Variants in TMEM132D observed in about 807,000 individuals in gnomAD.
The protein encoded by TMEM132D is transmembrane protein 132D.
TMEM132D carries 21 observed loss-of-function variants against 62.3 expected under a neutral mutation model. The observed-to-expected ratio is 0.34, with a 90% CI of 0.24 to 0.49. The LOEUF (loss-of-function observed/expected upper bound fraction) is 0.49, where lower values mean the gene tolerates loss of function less well. Ranked by LOEUF, TMEM132D falls within the 20% of genes least tolerant of loss-of-function variation. TMEM132D has a pLI of 0.99. For synonymous variants in TMEM132D, 621 were observed against 575.6 expected, an observed-to-expected ratio of 1.08 and a Z score of -1.13; for missense variants, 1,346 against 1,402.8, an observed-to-expected ratio of 0.96 and a Z score of 0.65.
intron 3 of TMEM132D, among the ~76,000 whole-genome samples, chr12:129,417,519 C>T (rs181258375): frequency 1.2e-3 from 189 of 152,172 alleles, no homozygotes; most frequent in African/African-American, 4.4e-3. Flanking sequence ...TAACACTGTA[C>T]CCCTTCCTTA....
rs745411009 is a variant in TMEM132D at position 129,700,250 on chromosome 12, G to T, written c.528C>A (p.Thr176=). Residue 176 remains threonine, a synonymous_variant, in exon 2 of 9, where the codon ACC becomes ACA. Transcript: ENST00000422113. ...GCCGGCAGCTGCCCCGCACCTCTCGGGTCTCTCGGAAAGCAAAGACCCTCA... is the reference window on the plus strand; with the variant it reads ...GCCGGCAGCTGCCCCGCACCTCTCGTGTCTCTCGGAAAGCAAAGACCCTCA... ...PCLRVFAFRE[T]REVRGSCRLQ... 1 of 1,613,170 alleles carries T rather than the reference G, an allele frequency of 6.2e-7. No homozygotes were observed. The highest frequency in any genetic ancestry group is 8.5e-7 in the Non-Finnish European group (1 of 1,179,940).
At chr12:129,767,899 G>C (rs983593592) in intron 1 of TMEM132D, among the ~76,000 whole-genome samples, 1 of 152,190 alleles carries the variant, frequency 6.6e-6, no homozygotes, top group African/African-American at 2.4e-5. Context: ...AGGCCTCACA[G>C]TCATGGCAGA....
chr12:129,153,943 C>A (rs956645959), intron 5 of TMEM132D, among the ~76,000 whole-genome samples: 1 of 152,176 alleles, frequency 6.6e-6, no homozygotes, highest in South Asian at 2.1e-4. Context: ...GATGACACAG[C>A]GTGGCTGAGG....
intron 2 of TMEM132D, among the ~76,000 whole-genome samples, chr12:129,648,206 A>G (rs568092720): frequency 5.6e-4 from 85 of 152,054 alleles, no homozygotes; most frequent in Non-Finnish European, 1.0e-3. Context: ...CAGCCCTTGC[A>G]TTCTGCTGGA....
chr12:129,220,896 A>G (rs1879328528), intron 4 of TMEM132D, among the ~76,000 whole-genome samples: 1 of 151,584 alleles, frequency 6.6e-6, no homozygotes, highest in Non-Finnish European at 1.5e-5. Flanking sequence ...AAAATGAAAA[A>G]AAAAAAAAGC....
intron 4 of TMEM132D, among the ~76,000 whole-genome samples, chr12:129,324,068 C>T (rs528125209): frequency 1.3e-5 from 2 of 152,170 alleles, no homozygotes; most frequent in South Asian, 2.1e-4. Context: ...AGCTTCTGCT[C>T]CTTTCTATTG....
intron 4 of TMEM132D, among the ~76,000 whole-genome samples, chr12:129,317,921 T>C (rs897497678): frequency 1.3e-5 from 2 of 152,216 alleles, no homozygotes; most frequent in Admixed American, 1.3e-4. Context: ...TTCTTCTACT[T>C]GTTCAATTCT....
chr12:129,482,943 ATC>A (rs1874472923), intron 3 of TMEM132D, among the ~76,000 whole-genome samples: 1 of 95,092 alleles, frequency 1.1e-5, no homozygotes, highest in Non-Finnish European at 2.0e-5. Context: ...AACATATTTA[ATC>A]TGTGTGTGTG....
chr12:129,738,374 G>T (rs1202498207), intron 1 of TMEM132D, among the ~76,000 whole-genome samples: 2 of 151,976 alleles, frequency 1.3e-5, no homozygotes, highest in Non-Finnish European at 2.9e-5. Flanking sequence ...GGAGGAGAGA[G>T]AAAAGGGAGG....
At chr12:129,402,141 T>C (rs1871641719) in intron 3 of TMEM132D, among the ~76,000 whole-genome samples, 2 of 152,156 alleles carry the variant, frequency 1.3e-5, no homozygotes, top group African/African-American at 4.8e-5. Context: ...TATGCATACC[T>C]CGATAATCTG....
chr12:129,365,299 T>C (rs1870369546), intron 3 of TMEM132D, among the ~76,000 whole-genome samples: 1 of 152,084 alleles, frequency 6.6e-6, no homozygotes, highest in Non-Finnish European at 1.5e-5. Context: ...AATAGATGGA[T>C]GTTTGAAGCC....
intron 3 of TMEM132D, among the ~76,000 whole-genome samples, chr12:129,470,237 C>T (rs754844044): frequency 3.3e-5 from 5 of 152,214 alleles, no homozygotes; most frequent in African/African-American, 4.8e-5. Context: ...GGATGATAAA[C>T]TTCACAGACA....
At position 129,248,104 on chromosome 12, in the gene TMEM132D, G is replaced by A. The variant is rs184857821; in HGVS notation, c.1300-38441C>T. 7.5e-3 allele frequency among the ~76,000 whole-genome samples: 1,135 copies of A among 152,174 alleles called. 9 individuals carry two copies. Among genetic ancestry groups the A allele is most frequent in the Non-Finnish European group, 0.011 (725 of 68,010 alleles). On this transcript the variant is annotated intron_variant, in intron 4 of 8. Transcript: ENST00000422113. Reference sequence around the variant, plus strand: ...GTAGCAAAGCGCTTTCACATAGATTGGAATATCTAATAATTCTCAGTAATT... The same window carrying A: ...GTAGCAAAGCGCTTTCACATAGATTAGAATATCTAATAATTCTCAGTAATT...
At position 129,559,580 on chromosome 12, in the gene TMEM132D, C is replaced by T. The variant is rs562422570; in HGVS notation, c.969-28375G>A. 3.3e-5 allele frequency among the ~76,000 whole-genome samples: 5 copies of T among 152,290 alleles called. No individual in the cohort carries two copies. In the East Asian group the frequency reaches 9.7e-4, roughly 29 times the overall value. On this transcript the variant is annotated intron_variant, in intron 2 of 8. Coordinates refer to ENST00000422113, the MANE Select transcript of TMEM132D (RefSeq NM_133448.3). ...GAGAGGTTTCATAAGTTATTACCAT[C>T]TAAGAGCATAAATGGTAAATCTCTA...
chr12:129,604,792 A>C (rs987116136), intron 2 of TMEM132D, among the ~76,000 whole-genome samples: 7 of 152,234 alleles, frequency 4.6e-5, no homozygotes, highest in Admixed American at 1.3e-4. Context: ...GACTAGCTTC[A>C]AATGAATTCC....
chr12:129,373,398 C>T (rs962125402), intron 3 of TMEM132D, among the ~76,000 whole-genome samples: 5 of 151,894 alleles, frequency 3.3e-5, no homozygotes, highest in Non-Finnish European at 2.9e-5. Context: ...TTTGGGAGGA[C>T]GAGGTGGGTG....
chr12:129,403,263 A>G (rs1245212798), intron 3 of TMEM132D, among the ~76,000 whole-genome samples: 1 of 147,770 alleles, frequency 6.8e-6, no homozygotes, highest in Non-Finnish European at 1.5e-5. Flanking sequence ...CGGAGGTTAG[A>G]ACATTCATCT....
intron 3 of TMEM132D, among the ~76,000 whole-genome samples, chr12:129,439,948 C>T (rs1455407210): frequency 1.3e-5 from 2 of 152,136 alleles, no homozygotes; most frequent in Non-Finnish European, 2.9e-5. Flanking sequence ...GTCATGGTTC[C>T]AAGATCTCTG....
intron 1 of TMEM132D, among the ~76,000 whole-genome samples, chr12:129,755,518 C>T (rs893077697): frequency 2.6e-5 from 4 of 152,080 alleles, no homozygotes; most frequent in Non-Finnish European, 5.9e-5. Context: ...GTGACCCGAT[C>T]GCTCATCAGG....
Sources: gnomAD v4.1 joint callset for allele counts (sites outside exome capture counted in the v4.1 genomes callset) on GRCh38, gnomAD v4.1.1 for gene constraint, MANE v1.5 for transcripts, NCBI Gene and HGNC (gene_info 2026-07-23, HGNC 2026-07-21) for gene names.